The following PCDHA3 variants were observed in gnomAD, a reference collection of about 807,000 sequenced individuals.
The protein encoded by PCDHA3 is protocadherin alpha-3.
PCDHA3 carries 41 observed loss-of-function variants against 62.2 expected under a neutral mutation model. The ratio of observed to expected loss-of-function variants is 0.66; its 90% confidence interval spans 0.51 to 0.86. The LOEUF is 0.86. Among genes scored for constraint, PCDHA3 ranks in the 40% least tolerant of loss-of-function variants. PCDHA3 has a pLI of 0.00. For synonymous variants in PCDHA3, 640 were observed against 555.4 expected (o/e 1.15, Z -2.14); for missense variants, 1,304 against 1,241.2 (o/e 1.05, Z -0.76).
At chr5:140,828,301 C>A (rs2150153723) in intron 1 of PCDHA3, 1 of 1,614,080 alleles carries the variant, frequency 6.2e-7, no homozygotes, top group South Asian at 1.1e-5. Context: ...CCTCCAAAGA[C>A]CGCGAGGACC....
At chr5:140,900,957 A>C (rs1264192105) in intron 1 of PCDHA3, among the ~76,000 whole-genome samples, 1 of 152,206 alleles carries the variant, frequency 6.6e-6, no homozygotes, top group African/African-American at 2.4e-5. Flanking sequence ...TCTGATTATC[A>C]GTGATGTTGA....
At chr5:140,870,161 C>T (rs745813666) in intron 1 of PCDHA3, 10 of 1,614,124 alleles carry the variant, frequency 6.2e-6, no homozygotes, top group Non-Finnish European at 8.5e-6. Context: ...GCCGTGACTT[C>T]CTTGTCCCTC....
At chr5:140,821,850 A>G in intron 1 of PCDHA3, 5 of 1,614,180 alleles carry the variant, frequency 3.1e-6, no homozygotes, top group South Asian at 1.1e-5. Flanking sequence ...ACTGGAAGGC[A>G]GGGAGCGGCC....
At chr5:140,922,427 G>A (rs1407931624) in intron 1 of PCDHA3, among the ~76,000 whole-genome samples, 2 of 152,212 alleles carry the variant, frequency 1.3e-5, no homozygotes, top group Middle Eastern at 3.4e-3. Context: ...AGAGGCTGAG[G>A]GCAGAACTCT....
intron 1 of PCDHA3, among the ~76,000 whole-genome samples, chr5:140,890,365 T>A: frequency 6.6e-6 from 1 of 152,216 alleles, no homozygotes; most frequent in Non-Finnish European, 1.5e-5. Context: ...ATGGATAACC[T>A]GAACAAGTAC....
chr5:140,968,221 T>C, intron 1 of PCDHA3: 1 of 1,613,918 alleles, frequency 6.2e-7, no homozygotes, highest in Admixed American at 1.7e-5. Context: ...ATTTGCCAGG[T>C]GTGTTGCTCT....
At chr5:140,830,445 A>G in intron 1 of PCDHA3, 4 of 1,603,790 alleles carry the variant, frequency 2.5e-6, no homozygotes, top group Non-Finnish European at 3.4e-6. Context: ...ATGATGGGTA[A>G]GGCGGAGAAT....
At chr5:140,958,397 A>T (rs1306610051) in intron 1 of PCDHA3, among the ~76,000 whole-genome samples, 3 of 152,172 alleles carry the variant, frequency 2.0e-5, no homozygotes, top group African/African-American at 7.2e-5. Flanking sequence ...GTCATCAAAC[A>T]TTATCACTGA....
chr5:140,905,342 TGTAA>T (rs2071759657), intron 1 of PCDHA3, among the ~76,000 whole-genome samples: 1 of 152,234 alleles, frequency 6.6e-6, no homozygotes, highest in Non-Finnish European at 1.5e-5. Context: ...ATCAGTTGGC[TGTAA>T]GTATTTGACT....
intron 1 of PCDHA3, chr5:140,882,304 G>A (rs1046715245): frequency 1.2e-6 from 2 of 1,613,750 alleles, no homozygotes; most frequent in Non-Finnish European, 1.7e-6. Context: ...CAAGACCGCG[G>A]CAACTACTGC....
intron 1 of PCDHA3, among the ~76,000 whole-genome samples, chr5:140,818,125 A>G (rs1376121700): frequency 1.3e-5 from 2 of 152,226 alleles, no homozygotes; most frequent in Non-Finnish European, 2.9e-5. Flanking sequence ...TTAAGAGAAG[A>G]TTTAGCAGTA....
intron 2 of PCDHA3, 35 bp downstream of exon 2, chr5:140,979,042 C>T (rs782163702): frequency 6.2e-7 from 1 of 1,612,562 alleles, no homozygotes; most frequent in African/African-American, 1.3e-5. Context: ...TCAGAAGTAA[C>T]CTTAACTTGG....
At chr5:140,968,455 G>C in intron 1 of PCDHA3, 2 of 1,614,084 alleles carry the variant, frequency 1.2e-6, no homozygotes, top group Non-Finnish European at 1.7e-6. Context: ...GCAGCACTGT[G>C]ACTGCCAACG....
intron 3 of PCDHA3, among the ~76,000 whole-genome samples, chr5:140,990,800 A>C (rs1474894854): frequency 3.9e-5 from 6 of 152,216 alleles, no homozygotes; most frequent in Non-Finnish European, 2.9e-5. Context: ...CATGGAATAC[A>C]GAAGAAGCTC....
At chr5:140,837,917 G>A (rs1390684989) in intron 1 of PCDHA3, among the ~76,000 whole-genome samples, 2 of 151,626 alleles carry the variant, frequency 1.3e-5, no homozygotes, top group African/African-American at 4.9e-5. Flanking sequence ...GGCTTCAAGC[G>A]ATCCTCCTAC....
At chr5:140,883,910 A>G in intron 1 of PCDHA3, 4 of 1,613,424 alleles carry the variant, frequency 2.5e-6, no homozygotes, top group Non-Finnish European at 3.4e-6. Context: ...TCTGGGCAGC[A>G]ACGTGACGCT....
rs184672024 is a variant in PCDHA3, at chr5:140,889,762, T to C, written c.2394+86171T>C. Among the ~76,000 whole-genome samples, 15 of 152,308 alleles carry C rather than the reference T, an allele frequency of 9.8e-5. No homozygotes were observed. The East Asian group carries it at 2.9e-3, about 29-fold the overall frequency. The stretch of plus-strand genomic sequence containing the variant: ...GAGTCTAATTTTTCTTTCCTTGAAC[T>C]TTGACTGGTCTTAATATTGGAAGTA... On this transcript the variant is annotated intron_variant, in intron 1 of 3. Coordinates refer to ENST00000522353, the MANE Select transcript of PCDHA3 (RefSeq NM_018906.3).
At chr5:140,883,113 G>A in intron 1 of PCDHA3, 2 of 1,614,086 alleles carry the variant, frequency 1.2e-6, no homozygotes, top group Non-Finnish European at 1.7e-6. Context: ...TACTCATTTA[G>A]AAGGCCTGTA....
intron 1 of PCDHA3, chr5:140,854,705 T>A (rs1409807504): frequency 2.7e-5 from 4 of 150,008 alleles, no homozygotes; most frequent in Non-Finnish European, 4.5e-5. Context: ...TTTCCTTTCT[T>A]GGAAAGACAG....
Sources: allele counts gnomAD v4.1 joint callset (sites outside exome capture counted in the v4.1 genomes callset), GRCh38; gene constraint gnomAD v4.1.1; transcripts MANE v1.5; gene names NCBI Gene and HGNC (gene_info 2026-07-23, HGNC 2026-07-21).